The following PCSK6 variants were observed in gnomAD, a reference collection of about 807,000 sequenced individuals.
The protein encoded by PCSK6 is paired basic amino acid cleaving enzyme 4.
Under a neutral mutation model 123.3 loss-of-function variants are expected in PCSK6, and 85 were observed. The ratio of observed to expected loss-of-function variants is 0.69; its 90% CI spans 0.58 to 0.83. PCSK6 has a LOEUF of 0.83. PCSK6 is among the 40% of genes least tolerant of loss of function. The pLI is 0.00. For synonymous variants in PCSK6, 508 were observed against 516.0 expected (o/e 0.98, Z 0.21); for missense variants, 1,191 against 1,282.3 (o/e 0.93, Z 1.09).
At chr15:101,485,685 G>C (rs1214579043) in intron 1 of PCSK6, among the ~76,000 whole-genome samples, 1 of 152,120 alleles carries the variant, frequency 6.6e-6, no homozygotes, top group Non-Finnish European at 1.5e-5. Context: ...ACACATACAA[G>C]TTCCCACACA....
intron 13 of PCSK6, chr15:101,347,535 T>A: frequency 7.4e-7 from 1 of 1,358,096 alleles, no homozygotes; most frequent in Middle Eastern, 2.8e-4. Context: ...GCTCTTGATT[T>A]AAACAAGGTT....
chr15:101,309,002 G>A (rs2039789827), intron 20 of PCSK6: 2 of 152,434 alleles, frequency 1.3e-5, no homozygotes, highest in South Asian at 2.1e-4. Context: ...TGGACAGCCA[G>A]GAGGTTACGG....
chr15:101,443,448 G>A (rs998172750), intron 2 of PCSK6, 108 bp downstream of exon 2: 2 of 739,128 alleles, frequency 2.7e-6, no homozygotes, highest in Non-Finnish European at 4.7e-6. Context: ...AAGTGAATAT[G>A]GAAAACTCAT....
At chr15:101,355,286 C>T (rs1409341125) in intron 13 of PCSK6, among the ~76,000 whole-genome samples, 1 of 152,178 alleles carries the variant, frequency 6.6e-6, no homozygotes, top group Non-Finnish European at 1.5e-5. Flanking sequence ...TACGTAAAAC[C>T]CTTTGGAACC....
intron 1 of PCSK6, among the ~76,000 whole-genome samples, chr15:101,449,480 T>C (rs1345974899): frequency 6.6e-6 from 1 of 152,244 alleles, no homozygotes; most frequent in Non-Finnish European, 1.5e-5. Context: ...GTAAGGTTCA[T>C]AAACAAATGA....
intron 7 of PCSK6, among the ~76,000 whole-genome samples, chr15:101,395,528 A>C (rs2412067): frequency 6.6e-6 from 1 of 152,100 alleles, no homozygotes; most frequent in Non-Finnish European, 1.5e-5. Flanking sequence ...GGAAGGAGAC[A>C]TGGAAATGAG....
chr15:101,452,439 T>G (rs2057059558), intron 1 of PCSK6, among the ~76,000 whole-genome samples: 1 of 152,240 alleles, frequency 6.6e-6, no homozygotes, highest in South Asian at 2.1e-4. Flanking sequence ...CAATGCCTCT[T>G]GAGTATTCAT....
At chr15:101,468,665 A>G (rs1263970440) in intron 1 of PCSK6, among the ~76,000 whole-genome samples, 1 of 152,234 alleles carries the variant, frequency 6.6e-6, no homozygotes, top group African/African-American at 2.4e-5. Context: ...TGAAGGAGAC[A>G]GCAGTTGGTA....
At position 101,424,076 on chromosome 15, in the gene PCSK6, T is replaced by G. The variant is rs557936286; in HGVS notation, c.823+3816A>C. ...CATCCTACAAGGAAAAAGGTGTGTG[T>G]TTTTTTTAATTAGCTGGGAAAGGTT... On this transcript the variant is annotated intron_variant, in intron 6 of 21. Coordinates refer to ENST00000611716, the MANE Select transcript of PCSK6 (RefSeq NM_002570.5). 1.1e-4 allele frequency among the ~76,000 whole-genome samples: 16 copies of G among 151,132 alleles called. No individual in the cohort carries two copies. The South Asian group carries it at 3.2e-3, about 30-fold the overall frequency.
intron 7 of PCSK6, among the ~76,000 whole-genome samples, chr15:101,395,324 C>T (rs1394459263): frequency 6.6e-6 from 1 of 152,214 alleles, no homozygotes; most frequent in Non-Finnish European, 1.5e-5. Context: ...CAGGGTGGGC[C>T]TGAGAGTGTG....
intron 5 of PCSK6, among the ~76,000 whole-genome samples, chr15:101,429,673 A>G (rs74798323): frequency 0.21 from 31,839 of 152,182 alleles, 3,752 homozygotes; most frequent in Admixed American, 0.27. Context: ...GGTCATGGAG[A>G]CGGTTAGACT....
rs961516065 is a variant in PCSK6, at chr15:101,427,916, T to C, written c.799A>G (p.Ile267Val). 1 of 1,585,278 alleles carries C rather than the reference T, an allele frequency of 6.3e-7. No homozygotes were observed. Among genetic ancestry groups the C allele is most frequent in the Non-Finnish European group, 8.6e-7 (1 of 1,165,430 alleles). ...CCTCCTATTTTGGCATTGTACGCTATGCCCACGATGCAGTAGGAATTGTTT... is the reference window on the plus strand; with the variant it reads ...CCTCCTATTTTGGCATTGTACGCTACGCCCACGATGCAGTAGGAATTGTTT... ...SANNSYCIVG[I>V]AYNAKIGGIR... Residue 267 changes from isoleucine (I) to valine (V), a missense_variant, in exon 6 of 22, where the codon ATA becomes GTA. Transcript: ENST00000611716.
At chr15:101,451,434 C>A (rs889615472) in intron 1 of PCSK6, among the ~76,000 whole-genome samples, 1 of 151,788 alleles carries the variant, frequency 6.6e-6, no homozygotes, top group Non-Finnish European at 1.5e-5. Flanking sequence ...AAAATCCCCA[C>A]CCCACCTCCC....
At chr15:101,313,062 GAT>G in intron 20 of PCSK6, 1 of 1,284,164 alleles carries the variant, frequency 7.8e-7, no homozygotes, top group Non-Finnish European at 1.0e-6. Flanking sequence ...CAGTGCAAAG[GAT>G]GCATGCTGAG....
chr15:101,383,339 G>A (rs1225149252), intron 10 of PCSK6, among the ~76,000 whole-genome samples: 2 of 150,516 alleles, frequency 1.3e-5, no homozygotes, highest in African/African-American at 2.5e-5. Flanking sequence ...GAACGCAGGA[G>A]GCAAAGGTTG....
At chr15:101,453,755 C>A (rs1423239382) in intron 1 of PCSK6, among the ~76,000 whole-genome samples, 1 of 152,162 alleles carries the variant, frequency 6.6e-6, no homozygotes, top group East Asian at 1.9e-4. Context: ...TTACTTTTTT[C>A]TTTCTGAGTA....
At chr15:101,347,519 A>G (rs753078111) in intron 13 of PCSK6, 1 of 1,348,214 alleles carries the variant, frequency 7.4e-7, no homozygotes, top group African/African-American at 1.5e-5. Flanking sequence ...GGTTAAAATT[A>G]TGTAAGCTCT....
At chr15:101,309,829 G>A (rs1044409802) in intron 20 of PCSK6, among the ~76,000 whole-genome samples, 45 of 152,248 alleles carry the variant, frequency 3.0e-4, no homozygotes, top group African/African-American at 1.0e-3. Context: ...GGTCTTGAGG[G>A]TGTCCGGCCC....
In PCSK6 at chr15:101,325,917, G is replaced by A. The variant is rs115650016; in HGVS notation, c.2180+460C>T. On this transcript the variant is annotated intron_variant, in intron 16 of 21. Coordinates refer to ENST00000611716, the MANE Select transcript of PCSK6 (RefSeq NM_002570.5). Reference sequence around the variant, plus strand: ...CATGGGCTCTCTGGGGAGGTGCCAGGAGAGCTTCTGTGAAAGCCCCACACC... The same window carrying A: ...CATGGGCTCTCTGGGGAGGTGCCAGAAGAGCTTCTGTGAAAGCCCCACACC... 4.8e-3 allele frequency among the ~76,000 whole-genome samples: 728 copies of A among 152,300 alleles called. 7 individuals are homozygous for A. The highest frequency in any genetic ancestry group is 0.017 in the African/African-American group (697 of 41,554).
Sources: allele counts gnomAD v4.1 joint callset (sites outside exome capture counted in the v4.1 genomes callset), GRCh38; gene constraint gnomAD v4.1.1; transcripts MANE v1.5; gene names NCBI Gene and HGNC (gene_info 2026-07-23, HGNC 2026-07-21).